FARP1: variants seen among roughly 807,000 people sequenced by gnomAD.
FARP1 encodes FERM, ARHGEF and pleckstrin domain-containing protein 1.
In FARP1, 52 loss-of-function variants were observed where a neutral mutation model predicts 128.8. The ratio of observed to expected loss-of-function variants is 0.40; its 90% CI spans 0.32 to 0.51. FARP1 has a LOEUF of 0.51. Ranked by LOEUF, FARP1 falls within the 20% of genes least tolerant of loss-of-function variation. The pLI is 0.45. For missense variants in FARP1, 1,333 were observed against 1,367.9 expected (o/e 0.97, Z 0.40); for synonymous variants, 580 against 551.8 (o/e 1.05, Z -0.72).
At chr13:98,386,926 T>C (rs1890119096) in intron 8 of FARP1, among the ~76,000 whole-genome samples, 1 of 152,160 alleles carries the variant, frequency 6.6e-6, no homozygotes, top group Non-Finnish European at 1.5e-5. Context: ...GGGAGTGACA[T>C]TGTGAGAGCA....
intron 2 of FARP1, among the ~76,000 whole-genome samples, chr13:98,277,148 A>ACACACACACCCC (rs372627844): frequency 2.6e-4 from 36 of 138,576 alleles, no homozygotes; most frequent in South Asian, 4.6e-4. Context: ...ACACACACAC[A>ACACACACACCCC]CCCCATATGT....
At chr13:98,166,012 G>A (rs1282325083) in intron 1 of FARP1, among the ~76,000 whole-genome samples, 4 of 151,968 alleles carry the variant, frequency 2.6e-5, no homozygotes, top group South Asian at 2.1e-4. Flanking sequence ...GAGCCACTGC[G>A]CCCAGCCCAG....
chr13:98,231,592 C>CA (rs1950844882), intron 2 of FARP1, among the ~76,000 whole-genome samples: 1 of 152,060 alleles, frequency 6.6e-6, no homozygotes, highest in Non-Finnish European at 1.5e-5. Flanking sequence ...TGCCTGCCGC[C>CA]ATGCCCGGCT....
intron 2 of FARP1, among the ~76,000 whole-genome samples, chr13:98,321,681 A>G (rs1270684482): frequency 6.6e-6 from 1 of 152,234 alleles, no homozygotes; most frequent in Non-Finnish European, 1.5e-5. Context: ...CTGTGAAATC[A>G]GTTAAGGGAA....
At position 98,379,003 on chromosome 13, in the gene FARP1, A is replaced by G. The variant is rs1208479517; in HGVS notation, c.496+1085A>G. Among the ~76,000 whole-genome samples the G allele has an allele frequency of 2.4e-4, 21 of 86,454 alleles. 2 individuals carry two copies. The highest frequency in any genetic ancestry group is 1.3e-3 in the African/African-American group (20 of 15,172). The allele number at this position is 86,454 out of a possible 152,430, so 56.7% of individuals were successfully genotyped here. ...TATATATAATATATATATAATATAT[A>G]CAATATATAATCTATATATAATATA... is the stretch of plus-strand genomic sequence containing the variant. On this transcript the variant is annotated intron_variant, in intron 6 of 26. Transcript: ENST00000319562.
chr13:98,377,985 A>G, intron 6 of FARP1, 67 bp downstream of exon 6: 1 of 1,181,238 alleles, frequency 8.5e-7, no homozygotes, highest in East Asian at 2.4e-5. Context: ...TGATGGGAAA[A>G]AAATCACATC....
intron 2 of FARP1, among the ~76,000 whole-genome samples, chr13:98,256,521 A>G (rs1212659148): frequency 2.6e-5 from 4 of 151,708 alleles, no homozygotes; most frequent in Admixed American, 2.6e-4. Flanking sequence ...ACCTTTAAAA[A>G]TGGTAAATTT....
chr13:98,183,879 G>C (rs1052091049), intron 1 of FARP1, among the ~76,000 whole-genome samples: 7 of 152,104 alleles, frequency 4.6e-5, no homozygotes, highest in African/African-American at 1.7e-4. Flanking sequence ...CTCTCTCACA[G>C]CCAGTCCCCT....
intron 26 of FARP1, chr13:98,447,047 T>TA (rs1892891238): frequency 3.9e-6 from 2 of 507,804 alleles, no homozygotes; most frequent in Non-Finnish European, 7.1e-6. Context: ...GCTGAGGCCC[T>TA]AGACATCTTG....
Position 98,146,770 on chromosome 13 carries a change from G to A in FARP1, c.-24+3278G>A, listed in dbSNP as rs530994127. 4.2e-3 allele frequency among the ~76,000 whole-genome samples: 645 copies of A among 152,334 alleles called. 12 individuals carry two copies. The highest frequency in any genetic ancestry group is 0.01 in the Middle Eastern group (3 of 294). On this transcript the variant is annotated intron_variant, in intron 1 of 26. Coordinates refer to ENST00000319562, the MANE Select transcript of FARP1 (RefSeq NM_005766.4). ...TTTGCCTGGGAAGGGAGGCTGTGGG[G>A]TTTTAGGCTCTCGTGGCAGTCTCTC...
rs1281799458 is a variant in FARP1 at position 98,454,161 on chromosome 13, C to A, written c.*5844C>A. 1 of 152,168 alleles carries A rather than the reference C, an allele frequency of 6.6e-6. No individual in the cohort carries two copies. The highest frequency in any genetic ancestry group is 1.5e-5 in the Non-Finnish European group (1 of 68,036). 9.4% of individuals were successfully genotyped at this position (152,168 alleles called of 1,614,324 possible). Reference sequence around the variant, plus strand: ...GCACTATAAGGTAGATAAGAGAATTCAGTAAGTTTATGACCTGGTATGACA... The same window carrying A: ...GCACTATAAGGTAGATAAGAGAATTAAGTAAGTTTATGACCTGGTATGACA... On this transcript the variant is annotated 3_prime_UTR_variant, in exon 27 of 27. Transcript: ENST00000319562.
At chr13:98,337,884 T>C (rs550750458) in intron 2 of FARP1, among the ~76,000 whole-genome samples, 81 of 152,314 alleles carry the variant, frequency 5.3e-4, no homozygotes, top group African/African-American at 1.9e-3. Context: ...GCTCTTTGGG[T>C]AAAGAAATAT....
intron 1 of FARP1, among the ~76,000 whole-genome samples, chr13:98,169,064 T>C (rs576293489): frequency 1.8e-4 from 27 of 152,330 alleles, no homozygotes; most frequent in African/African-American, 6.5e-4. Flanking sequence ...TTTTAAAATT[T>C]GTTTGATTTT....
At chr13:98,313,306 T>C (rs1293552829) in intron 2 of FARP1, among the ~76,000 whole-genome samples, 6 of 100,040 alleles carry the variant, frequency 6.0e-5, no homozygotes, top group Admixed American at 1.1e-4. Flanking sequence ...ATCCTCCCCT[T>C]CCCCCAAACA....
At chr13:98,289,786 C>T (rs906416637) in intron 2 of FARP1, among the ~76,000 whole-genome samples, 19 of 151,530 alleles carry the variant, frequency 1.3e-4, no homozygotes, top group Admixed American at 3.3e-4. Flanking sequence ...AATAAGCAGA[C>T]GCCCTCCCGA....
intron 2 of FARP1, among the ~76,000 whole-genome samples, chr13:98,315,351 C>A (rs1479154074): frequency 6.6e-6 from 1 of 152,122 alleles, no homozygotes; most frequent in Non-Finnish European, 1.5e-5. Context: ...AGCAATGCCC[C>A]GCCTCTGCCT....
At chr13:98,426,011 C>T (rs943377974) in intron 17 of FARP1, among the ~76,000 whole-genome samples, 1 of 152,168 alleles carries the variant, frequency 6.6e-6, no homozygotes, top group Non-Finnish European at 1.5e-5. Flanking sequence ...AAGCTAGCAA[C>T]CCCTTAAAGA....
In FARP1 at chr13:98,435,685, C is replaced by G. The variant is rs1454834580; in HGVS notation, c.2253C>G (p.Asp751Glu). Residue 751 changes from aspartate to glutamate, a missense_variant, in exon 19 of 27, where the codon GAC becomes GAG. Coordinates refer to ENST00000319562, the MANE Select transcript of FARP1 (RefSeq NM_005766.4). Reference protein sequence around the residue: ...HELKKDLIGIDNLVVPGREFI... With the variant: ...HELKKDLIGIENLVVPGREFI... ...TCAAGAAAGATTTGATTGGCATTGA[C>G]AATCTTGTGGTTCCGGGAAGGGTAA... 2 of 1,614,150 alleles carry G rather than the reference C, an allele frequency of 1.2e-6. No homozygotes were observed. Among genetic ancestry groups the G allele is most frequent in the East Asian group, 4.5e-5 (2 of 44,884 alleles).
intron 2 of FARP1, among the ~76,000 whole-genome samples, chr13:98,317,877 C>CCTTT (rs1262038500): frequency 6.6e-5 from 10 of 151,938 alleles, no homozygotes; most frequent in African/African-American, 2.2e-4. Flanking sequence ...GTCTCCTCCT[C>CCTTT]CTTTCTTTCT....
Sources: gnomAD v4.1 joint callset for allele counts (sites outside exome capture counted in the v4.1 genomes callset) on GRCh38, gnomAD v4.1.1 for gene constraint, MANE v1.5 for transcripts, NCBI Gene and HGNC (gene_info 2026-07-23, HGNC 2026-07-21) for gene names.